Variants in ST7 observed in about 807,000 individuals in gnomAD.
ST7 encodes the protein suppressor of tumorigenicity 7 protein.
ST7 carries 28 observed loss-of-function variants against 78.7 expected under a neutral mutation model. The observed-to-expected ratio is 0.36, with a 90% CI of 0.26 to 0.49. The LOEUF (loss-of-function observed/expected upper bound fraction) is 0.49, where lower values mean the gene tolerates loss of function less well. Ranked by LOEUF, ST7 falls within the 20% of genes least tolerant of loss-of-function variation. The pLI, the probability that ST7 is intolerant of heterozygous loss-of-function variation, is 0.99. For synonymous variants in ST7, 247 were observed against 249.6 expected, an observed-to-expected ratio of 0.99 and a Z score of 0.10; for missense variants, 418 against 696.0, an observed-to-expected ratio of 0.60 and a Z score of 4.49.
intron 1 of ST7, among the ~76,000 whole-genome samples, chr7:116,978,568 T>TTCTATCTATCTATCTATCTATCTA (rs201403117): frequency 2.0e-5 from 3 of 152,018 alleles, no homozygotes; most frequent in African/African-American, 7.3e-5. Flanking sequence ...ATATCATACA[T>TTCTATCTATCTATCTATCTATCTA]TCTATCTATC....
At chr7:116,959,135 C>T in intron 1 of ST7, 1 of 460,578 alleles carries the variant, frequency 2.2e-6, no homozygotes, top group South Asian at 1.6e-5. Flanking sequence ...TATTCTAAAT[C>T]CTTTGTTGTC....
At chr7:117,037,662 TA>T (rs1176072507) in intron 1 of ST7, among the ~76,000 whole-genome samples, 3 of 152,220 alleles carry the variant, frequency 2.0e-5, no homozygotes, top group Non-Finnish European at 2.9e-5. Context: ...CTTTTACTGC[TA>T]GCCTATGCTT....
intron 1 of ST7, among the ~76,000 whole-genome samples, chr7:116,977,708 C>G (rs750392360): frequency 6.6e-6 from 1 of 152,158 alleles, no homozygotes; most frequent in African/African-American, 2.4e-5. Context: ...TGTGCCACCA[C>G]GCCCAGCTAA....
chr7:117,174,988 CT>C (rs1234732087), intron 10 of ST7, among the ~76,000 whole-genome samples: 15 of 152,316 alleles, frequency 9.8e-5, no homozygotes, highest in African/African-American at 3.1e-4. Flanking sequence ...CTTAGGTGGG[CT>C]GAAGCCATGG....
chr7:117,086,940 T>C (rs1191072860), intron 1 of ST7, among the ~76,000 whole-genome samples: 4 of 152,204 alleles, frequency 2.6e-5, no homozygotes, highest in Admixed American at 1.3e-4. Flanking sequence ...AGCTGAATAC[T>C]AAAATAGTGG....
chr7:116,993,609 C>T (rs1794522254), intron 1 of ST7, among the ~76,000 whole-genome samples: 1 of 152,220 alleles, frequency 6.6e-6, no homozygotes. Context: ...TCCTTGAGAA[C>T]AGAAATCTTG....
chr7:117,185,819 A>G (rs1044117858), intron 10 of ST7, among the ~76,000 whole-genome samples: 7 of 152,194 alleles, frequency 4.6e-5, no homozygotes, highest in African/African-American at 1.2e-4. Flanking sequence ...GCTACTTAGG[A>G]GGCTGAGGCA....
chr7:117,083,840 T>C (rs562228792), intron 1 of ST7, among the ~76,000 whole-genome samples: 29 of 150,642 alleles, frequency 1.9e-4, no homozygotes, highest in Non-Finnish European at 4.1e-4. Flanking sequence ...TGTGAGCATA[T>C]GGAGGCAGCA....
chr7:117,012,367 C>CT (rs1323463213), intron 1 of ST7, among the ~76,000 whole-genome samples: 1 of 151,518 alleles, frequency 6.6e-6, no homozygotes, highest in East Asian at 1.9e-4. Context: ...GGATTCTGAG[C>CT]TAGAGGCTAC....
At chr7:117,026,082 G>A (rs1796168728) in intron 1 of ST7, among the ~76,000 whole-genome samples, 1 of 152,128 alleles carries the variant, frequency 6.6e-6, no homozygotes. Flanking sequence ...TAAACTGTGG[G>A]GAGTCTATGG....
chr7:117,216,349 CTTTT>C (rs770722453), intron 13 of ST7, among the ~76,000 whole-genome samples: 53 of 152,102 alleles, frequency 3.5e-4, no homozygotes, highest in Non-Finnish European at 6.9e-4. Flanking sequence ...AGTGGCCTAA[CTTTT>C]TTGTTTTGTT....
At chr7:116,970,578 C>G (rs1447879255) in intron 1 of ST7, among the ~76,000 whole-genome samples, 1 of 152,124 alleles carries the variant, frequency 6.6e-6, no homozygotes, top group East Asian at 1.9e-4. Flanking sequence ...GAACTAATCT[C>G]ATTTACAGAG....
At chr7:117,117,164 TG>T (rs1457014079) in intron 2 of ST7, among the ~76,000 whole-genome samples, 3 of 152,236 alleles carry the variant, frequency 2.0e-5, no homozygotes, top group Non-Finnish European at 4.4e-5. Context: ...GTTCTCATTC[TG>T]CATCTGTAAG....
At chr7:117,131,860 G>T in intron 5 of ST7, 25 bp from the exon 6 acceptor site, 1 of 1,596,036 alleles carries the variant, frequency 6.3e-7, no homozygotes, top group Non-Finnish European at 8.6e-7. Flanking sequence ...GGATTGACTT[G>T]GTGTTTTCTC....
chr7:117,030,764 G>A (rs1414527138), intron 1 of ST7, among the ~76,000 whole-genome samples: 1 of 152,186 alleles, frequency 6.6e-6, no homozygotes, highest in African/African-American at 2.4e-5. Flanking sequence ...CAGCCATTGT[G>A]GAAAGCAGTG....
intron 1 of ST7, among the ~76,000 whole-genome samples, chr7:116,980,210 C>T (rs904220965): frequency 1.3e-5 from 2 of 151,968 alleles, no homozygotes; most frequent in Admixed American, 6.6e-5. Flanking sequence ...ATGCCCGCCT[C>T]GCCTCCCAAA....
intron 1 of ST7, among the ~76,000 whole-genome samples, chr7:117,091,815 A>T (rs1223831934): frequency 6.6e-6 from 1 of 152,110 alleles, no homozygotes; most frequent in Admixed American, 6.5e-5. Flanking sequence ...CATGGCTTAG[A>T]TGGGTCTTCT....
intron 1 of ST7, among the ~76,000 whole-genome samples, chr7:117,051,129 A>G (rs1428769324): frequency 6.6e-6 from 1 of 152,226 alleles, no homozygotes; most frequent in Non-Finnish European, 1.5e-5. Context: ...GAAACAAAGT[A>G]TTCTTCCTTT....
intron 1 of ST7, among the ~76,000 whole-genome samples, chr7:116,996,086 T>TTTG (rs891809910): frequency 6.6e-6 from 1 of 150,788 alleles, no homozygotes; most frequent in Non-Finnish European, 1.5e-5. Flanking sequence ...TTCCCCGTTT[T>TTTG]TTTTTTTTTT....
Sources: gnomAD v4.1 joint callset for allele counts (sites outside exome capture counted in the v4.1 genomes callset) on GRCh38, gnomAD v4.1.1 for gene constraint, MANE v1.5 for transcripts, NCBI Gene and HGNC (gene_info 2026-07-23, HGNC 2026-07-21) for gene names.